Variants in SCP2 observed in about 807,000 individuals in gnomAD.
The protein encoded by SCP2 is sterol carrier protein 2, also known as SCP-2/3-oxoacyl-CoA thiolase.
A neutral mutation model predicts 71.4 loss-of-function variants in SCP2; 48 were observed. The observed-to-expected ratio is 0.67, with a 90% CI of 0.53 to 0.86. The LOEUF (loss-of-function observed/expected upper bound fraction) is 0.86. Ranked by LOEUF, SCP2 falls within the 40% of genes least tolerant of loss-of-function variation. The pLI is 0.00. For synonymous variants in SCP2, 220 were observed against 218.1 expected, an observed-to-expected ratio of 1.01 and a Z score of -0.08; for missense variants, 560 against 655.6, an observed-to-expected ratio of 0.85 and a Z score of 1.59.
intron 9 of SCP2, among the ~76,000 whole-genome samples, chr1:52,979,347 AT>A (rs59807820): frequency 0.048 from 6,592 of 137,898 alleles, 349 homozygotes; most frequent in African/African-American, 0.14. Context: ...AAGTTTTTGT[AT>A]TTTTTTTTTT....
intron 9 of SCP2, 53 bp from the exon 10 acceptor site, chr1:52,980,343 G>C: frequency 6.5e-7 from 1 of 1,540,632 alleles, no homozygotes; most frequent in South Asian, 1.2e-5. Context: ...TAAAATACTT[G>C]TTTAAAAGGC....
intron 4 of SCP2, among the ~76,000 whole-genome samples, chr1:52,953,842 A>G (rs1001644217): frequency 3.4e-5 from 5 of 147,790 alleles, no homozygotes; most frequent in Non-Finnish European, 4.5e-5. Flanking sequence ...AAAAAAAAAA[A>G]GCAAGAAAAC....
At position 53,040,416 on chromosome 1, in the gene SCP2, G is replaced by A. The variant is rs79950039; in HGVS notation, c.1468+1370G>A. ...GCTTTCTGCTCTCTGTTCCCTGTCCGGAATTACCTTCTCCCAGATATCCTT... is the reference window on the plus strand; with the variant it reads ...GCTTTCTGCTCTCTGTTCCCTGTCCAGAATTACCTTCTCCCAGATATCCTT... On this transcript the variant is annotated intron_variant, in intron 14 of 15. Transcript: ENST00000371514. Among the ~76,000 whole-genome samples, 574 of 152,166 alleles carry A rather than the reference G, an allele frequency of 3.8e-3. 3 individuals carry two copies. The highest frequency in any genetic ancestry group is 6.0e-3 in the Non-Finnish European group (408 of 68,004).
intron 2 of SCP2, among the ~76,000 whole-genome samples, chr1:52,944,593 AT>A (rs1162771116): frequency 6.6e-6 from 1 of 151,986 alleles, no homozygotes; most frequent in African/African-American, 2.4e-5. Context: ...CTTTCTCTAT[AT>A]TTTTTGACCA....
intron 1 of SCP2, among the ~76,000 whole-genome samples, chr1:52,941,096 T>C (rs76971537): frequency 0.027 from 4,130 of 152,302 alleles, 147 homozygotes; most frequent in East Asian, 0.19. Flanking sequence ...CATACCAAAT[T>C]ATTTACAGTT....
chr1:53,048,495 G>A, intron 15 of SCP2: 1 of 182,826 alleles, frequency 5.5e-6, no homozygotes, highest in Non-Finnish European at 1.2e-5. Context: ...CTGGGGAGCT[G>A]TAACCAGTCC....
intron 11 of SCP2, chr1:52,995,079 TGTG>T (rs879074746): frequency 2.0e-6 from 1 of 499,400 alleles, no homozygotes; most frequent in Non-Finnish European, 4.0e-6. Flanking sequence ...CAGTTGTAGA[TGTG>T]GTGCAGGAGG....
chr1:52,947,303 TC>T (rs1654899437), intron 2 of SCP2, among the ~76,000 whole-genome samples: 1 of 149,336 alleles, frequency 6.7e-6, no homozygotes, highest in Admixed American at 6.7e-5. Flanking sequence ...TCAGGCCTGT[TC>T]CCCATGGACA....
In SCP2 at chr1:52,988,046, G is replaced by A; in HGVS notation, c.991G>A (p.Val331Ile). The stretch of plus-strand genomic sequence containing the variant: ...TTCTATAGGACAAGGTGCAACGCTG[G>A]TTGATAGAGGAGATAATACATATGG... ...LCPEGQGATL[V>I]DRGDNTYGGK... Residue 331 changes from valine to isoleucine, a missense_variant, in exon 11 of 16, where the codon GTT becomes ATT. Coordinates refer to ENST00000371514, the MANE Select transcript of SCP2 (RefSeq NM_002979.5). The A allele has an allele frequency of 1.3e-6, 2 of 1,589,182 alleles. No individual in the cohort carries two copies. Among genetic ancestry groups the A allele is most frequent in the Non-Finnish European group, 8.6e-7 (1 of 1,158,156 alleles).
intron 2 of SCP2, among the ~76,000 whole-genome samples, chr1:52,945,862 AT>A (rs1171604271): frequency 6.6e-6 from 1 of 151,810 alleles, no homozygotes; most frequent in Non-Finnish European, 1.5e-5. Flanking sequence ...ATCTCTGTTT[AT>A]TTTTGAGGAA....
chr1:52,977,522 T>C (rs1298820631), intron 8 of SCP2, among the ~76,000 whole-genome samples: 1 of 152,234 alleles, frequency 6.6e-6, no homozygotes, highest in African/African-American at 2.4e-5. Context: ...ATTTCAGGAC[T>C]GAGTTATTTG....
chr1:52,991,387 T>C (rs1295707842), intron 11 of SCP2, among the ~76,000 whole-genome samples: 9 of 136,056 alleles, frequency 6.6e-5, no homozygotes, highest in Admixed American at 6.2e-4. Context: ...AAACCTCTTG[T>C]TTTTTTTTTC....
intron 4 of SCP2, 134 bp downstream of exon 4, chr1:52,951,020 C>T (rs1655244192): frequency 1.0e-6 from 1 of 997,160 alleles, no homozygotes; most frequent in African/African-American, 1.6e-5. Context: ...GTGGCTTATG[C>T]TTGTAACCCT....
rs766922449 is a variant in SCP2 at position 52,960,163 on chromosome 1, A to G, written c.397-1340A>G. Among the ~76,000 whole-genome samples, 23 of 152,058 alleles carry G rather than the reference A, an allele frequency of 1.5e-4. No individual in the cohort carries two copies. The South Asian group carries it at 3.1e-3, about 21-fold the overall frequency. On this transcript the variant is annotated intron_variant, in intron 5 of 15. Coordinates refer to ENST00000371514, the MANE Select transcript of SCP2 (RefSeq NM_002979.5). ...CCTGGCCTCCCAAATTGCTGGGATT[A>G]CAGGTATGAGCCATGGCGCCTGGCC...
At chr1:52,966,704 C>T (rs556113320) in intron 6 of SCP2, among the ~76,000 whole-genome samples, 6 of 144,212 alleles carry the variant, frequency 4.2e-5, no homozygotes, top group South Asian at 2.2e-4. Flanking sequence ...GCCAACATGG[C>T]GAAACCCCAT....
intron 11 of SCP2, among the ~76,000 whole-genome samples, chr1:53,007,041 T>C (rs951406384): frequency 6.6e-6 from 1 of 152,152 alleles, no homozygotes; most frequent in African/African-American, 2.4e-5. Context: ...AGAAGGCCAT[T>C]ACATAATGAT....
intron 11 of SCP2, among the ~76,000 whole-genome samples, chr1:53,011,136 C>T (rs1041703903): frequency 7.9e-5 from 12 of 152,182 alleles, no homozygotes; most frequent in African/African-American, 2.9e-4. Flanking sequence ...CAAGCCTTTT[C>T]TTCCTCAAAA....
At chr1:53,050,394 G>C (rs554316200) in intron 15 of SCP2, 134 of 493,222 alleles carry the variant, frequency 2.7e-4, no homozygotes, top group Admixed American at 1.2e-3. Flanking sequence ...TGGGAAAGCT[G>C]CTCCTTTCTG....
intron 6 of SCP2, among the ~76,000 whole-genome samples, chr1:52,973,164 T>C (rs1183112263): frequency 5.9e-5 from 9 of 152,238 alleles, no homozygotes. Flanking sequence ...TCTAGGTCAA[T>C]GCATTAATTA....
Sources: gnomAD v4.1 joint callset for allele counts (sites outside exome capture counted in the v4.1 genomes callset) on GRCh38, gnomAD v4.1.1 for gene constraint, MANE v1.5 for transcripts, NCBI Gene and HGNC (gene_info 2026-07-23, HGNC 2026-07-21) for gene names.